The following CHD9 variants were observed in gnomAD, a reference collection of about 807,000 sequenced individuals.
CHD9 encodes chromodomain helicase DNA binding protein 9.
In CHD9, 77 loss-of-function variants were observed where a neutral mutation model predicts 316.1. The observed-to-expected ratio is 0.24, with a 90% CI of 0.20 to 0.29. The LOEUF (loss-of-function observed/expected upper bound fraction) is 0.29. CHD9 is among the 10% of genes least tolerant of loss of function. The pLI is 1.00. For synonymous variants in CHD9, 1,129 were observed against 1,158.3 expected, an observed-to-expected ratio of 0.97 and a Z score of 0.51; for missense variants, 2,763 against 3,438.1, an observed-to-expected ratio of 0.80 and a Z score of 4.91.
At chr16:53,112,673 G>C (rs1184379820) in intron 1 of CHD9, among the ~76,000 whole-genome samples, 4 of 151,778 alleles carry the variant, frequency 2.6e-5, no homozygotes, top group African/African-American at 9.7e-5. Flanking sequence ...CTTTTTATTT[G>C]CACAATGTAG....
intron 16 of CHD9, among the ~76,000 whole-genome samples, chr16:53,248,357 T>C (rs1262046894): frequency 6.6e-6 from 1 of 151,402 alleles, no homozygotes; most frequent in Non-Finnish European, 1.5e-5. Context: ...AAAAATTGTC[T>C]AATCAGTATT....
chr16:53,141,328 A>G (rs183374995), intron 1 of CHD9, among the ~76,000 whole-genome samples: 4 of 152,208 alleles, frequency 2.6e-5, no homozygotes, highest in Admixed American at 6.5e-5. Flanking sequence ...AGAGCCTGTA[A>G]AACTGTGCTA....
chr16:53,218,614 T>G (rs1230132048), intron 3 of CHD9, among the ~76,000 whole-genome samples: 2 of 152,190 alleles, frequency 1.3e-5, no homozygotes, highest in African/African-American at 2.4e-5. Context: ...TTAAAAAAAT[T>G]TAAATATCTC....
At chr16:53,059,200 G>A (rs2032551603) in intron 1 of CHD9, among the ~76,000 whole-genome samples, 1 of 152,180 alleles carries the variant, frequency 6.6e-6, no homozygotes, top group Admixed American at 6.5e-5. Context: ...TTTGTTCTGG[G>A]GAGAAATCAG....
chr16:53,324,082 A>G lies in CHD9; in HGVS notation c.7881A>G (p.Val2627=), dbSNP rs201113743. 1.2e-5 allele frequency: 19 copies of G among 1,613,956 alleles called. No homozygotes were observed. In the Admixed American group the frequency reaches 2.5e-4, roughly 21 times the overall value. ...CTGGTCCCGTTGTGAGAGAGGAAGT[A>G]AGCAGGCGGGGGAGACGGCCTAAAA... is the stretch of plus-strand genomic sequence containing the variant. The part of the protein sequence containing the change: ...ILTGPVVREE[V]SRRGRRPKSG... Residue 2627 remains valine (V), a synonymous_variant, in exon 39 of 39, where the codon GTA becomes GTG. Transcript: ENST00000447540.
intron 1 of CHD9, among the ~76,000 whole-genome samples, chr16:53,111,944 C>G (rs1009496965): frequency 2.0e-5 from 3 of 152,014 alleles, no homozygotes; most frequent in African/African-American, 7.3e-5. Flanking sequence ...GATTATTATC[C>G]CTGCAGAGAA....
intron 3 of CHD9, among the ~76,000 whole-genome samples, chr16:53,210,865 T>A (rs1471289877): frequency 6.6e-6 from 1 of 152,108 alleles, no homozygotes; most frequent in South Asian, 2.1e-4. Flanking sequence ...TTAAATAATA[T>A]GGGCTCTCTT....
At chr16:53,254,663 C>T (rs1023909070) in intron 18 of CHD9, 58 bp downstream of exon 18, 13 of 1,471,520 alleles carry the variant, frequency 8.8e-6, no homozygotes, top group Non-Finnish European at 1.2e-5. Context: ...TTGATTTTAC[C>T]TCCAATAGTG....
intron 24 of CHD9, among the ~76,000 whole-genome samples, chr16:53,277,611 AATCTATAACAACCT>A (rs1342936725): frequency 3.9e-5 from 6 of 152,240 alleles, no homozygotes; most frequent in South Asian, 4.1e-4. Context: ...TAATAAAAGC[AATCTATAACAACCT>A]ATCTATAACA....
chr16:53,113,875 T>C (rs2038065364), intron 1 of CHD9, among the ~76,000 whole-genome samples: 1 of 152,038 alleles, frequency 6.6e-6, no homozygotes, highest in Admixed American at 6.6e-5. Flanking sequence ...TGGCTATGTA[T>C]GTATGTATTT....
rs68025976 is a variant in CHD9 at position 53,065,638 on chromosome 16, TA to T, written c.-165+10581del. ...AACAAAGCCAGATTCTGTCTTAAAT[TA>T]AAAAAAAAAAAAAAAAAAAGGAAGA... is the stretch of plus-strand genomic sequence containing the variant. On this transcript the variant is annotated intron_variant, in intron 1 of 38. Transcript: ENST00000447540. 1.8e-3 allele frequency among the ~76,000 whole-genome samples: 181 copies of T among 103,396 alleles called. 1 individual carries two copies. The highest frequency in any genetic ancestry group is 5.5e-3 in the South Asian group (15 of 2,730). 67.8% of individuals were successfully genotyped at this position (103,396 alleles called of 152,430 possible). A position where few individuals can be genotyped will look rare whatever the true frequency, so the allele number is the denominator to read the frequency against.
intron 1 of CHD9, among the ~76,000 whole-genome samples, chr16:53,064,248 C>T (rs376754814): frequency 6.6e-6 from 1 of 152,208 alleles, no homozygotes. Context: ...ATCTTCTGTG[C>T]TCTAGATTAA....
At chr16:53,136,157 A>G (rs12597502) in intron 1 of CHD9, among the ~76,000 whole-genome samples, 36,905 of 152,076 alleles carry the variant, frequency 0.24, 4,822 homozygotes, top group Middle Eastern at 0.32. Context: ...TTCTGTTACA[A>G]TTTGGCATTA....
At chr16:53,253,433 G>T (rs1451053688) in intron 17 of CHD9, among the ~76,000 whole-genome samples, 1 of 152,084 alleles carries the variant, frequency 6.6e-6, no homozygotes, top group Non-Finnish European at 1.5e-5. Flanking sequence ...TGGACTTTGG[G>T]GACTTGGGGA....
intron 1 of CHD9, among the ~76,000 whole-genome samples, chr16:53,129,994 C>T (rs2039146905): frequency 6.6e-6 from 1 of 152,172 alleles, no homozygotes; most frequent in African/African-American, 2.4e-5. Context: ...GCCCCCTGCT[C>T]CTAAACCAGT....
intron 4 of CHD9, among the ~76,000 whole-genome samples, chr16:53,226,086 C>T (rs1269375259): frequency 6.6e-6 from 1 of 151,974 alleles, no homozygotes; most frequent in African/African-American, 2.4e-5. Context: ...AAAAAACAGA[C>T]ATCTCTTTAT....
intron 1 of CHD9, among the ~76,000 whole-genome samples, chr16:53,155,461 A>C (rs1204948565): frequency 6.6e-6 from 1 of 152,194 alleles, no homozygotes; most frequent in Non-Finnish European, 1.5e-5. Flanking sequence ...TCCTTATCTA[A>C]AAGATACAAC....
Position 53,072,064 on chromosome 16 carries a change from A to G in CHD9, c.-165+16987A>G, listed in dbSNP as rs192151285. Among the ~76,000 whole-genome samples the G allele has an allele frequency of 2.4e-3, 358 of 152,264 alleles. 3 individuals carry two copies. The highest frequency in any genetic ancestry group is 8.3e-3 in the African/African-American group (345 of 41,556). On this transcript the variant is annotated intron_variant, in intron 1 of 38. Transcript: ENST00000447540. ...CCCACCTCTGTATCCAAATGTCTGC[A>G]GAATTCATAGGCGCCAGTGTCTAGA...
In CHD9 at chr16:53,222,705, T is replaced by G. The variant is rs763455647; in HGVS notation, c.1846T>G (p.Ser616Ala). ...KRKNESSDEI[S>A]DAEQMPQHTL... is the part of the protein sequence containing the mutation. The stretch of plus-strand genomic sequence containing the variant: ...AAAGAATGAGTCTTCAGATGAAATA[T>G]CTGATGCAGAACAGATGCCACAGCA... Residue 616 changes from serine to alanine, a missense_variant, in exon 4 of 39, where the codon TCT becomes GCT. Transcript: ENST00000447540. The G allele has an allele frequency of 6.3e-7, 1 of 1,583,594 alleles. No individual in the cohort carries two copies. Among genetic ancestry groups the G allele is most frequent in the Non-Finnish European group, 8.6e-7 (1 of 1,161,078 alleles).
Sources: allele counts gnomAD v4.1 joint callset (sites outside exome capture counted in the v4.1 genomes callset), GRCh38; gene constraint gnomAD v4.1.1; transcripts MANE v1.5; gene names NCBI Gene and HGNC (gene_info 2026-07-23, HGNC 2026-07-21).